The following LRP1B variants were observed in gnomAD, a reference collection of about 807,000 sequenced individuals.
LRP1B encodes LDL receptor related protein 1B.
Under a neutral mutation model 556.6 loss-of-function variants are expected in LRP1B, and 217 were observed. That is an observed-to-expected ratio of 0.39 (90% CI 0.35 to 0.44). The LOEUF (loss-of-function observed/expected upper bound fraction) is 0.44. Among genes scored for constraint, LRP1B ranks in the 20% least tolerant of loss-of-function variants. LRP1B has a pLI of 1.00. For synonymous variants in LRP1B, 2,047 were observed against 1,865.8 expected, an observed-to-expected ratio of 1.10 and a Z score of -2.50; for missense variants, 5,053 against 5,620.8, an observed-to-expected ratio of 0.90 and a Z score of 3.23.
intron 32 of LRP1B, among the ~76,000 whole-genome samples, chr2:140,808,555 C>T (rs539178119): frequency 6.5e-4 from 99 of 152,212 alleles, no homozygotes; most frequent in African/African-American, 2.3e-3. Context: ...CCCTGATCTG[C>T]TATTTTTTCC....
At chr2:140,658,397 C>T (rs934608876) in intron 41 of LRP1B, among the ~76,000 whole-genome samples, 4 of 151,924 alleles carry the variant, frequency 2.6e-5, no homozygotes, top group African/African-American at 9.7e-5. Flanking sequence ...TTCATGTTTT[C>T]TAATGGCTTT....
At position 140,897,261 on chromosome 2, in the gene LRP1B, G is replaced by A. The variant is rs1008752622; in HGVS notation, c.3766+5659C>T. Among the ~76,000 whole-genome samples, 17 of 152,168 alleles carry A rather than the reference G, an allele frequency of 1.1e-4. 1 individual carries two copies. The highest frequency in any genetic ancestry group is 4.1e-4 in the African/African-American group (17 of 41,508). ...TCAGAAAACAGCACCACAAAGTGAAGCCCTAAGAAGCTACCTCAGAAGCAA... is the reference window on the plus strand; with the variant it reads ...TCAGAAAACAGCACCACAAAGTGAAACCCTAAGAAGCTACCTCAGAAGCAA... On this transcript the variant is annotated intron_variant, in intron 23 of 90. Coordinates refer to ENST00000389484, the MANE Select transcript of LRP1B (RefSeq NM_018557.3).
intron 18 of LRP1B, among the ~76,000 whole-genome samples, chr2:140,970,826 G>A (rs561304842): frequency 7.0e-6 from 1 of 142,046 alleles, no homozygotes; most frequent in Non-Finnish European, 1.5e-5. Flanking sequence ...CTGCAGCCTG[G>A]ACGTCCTGGG....
rs181531923 is a variant in LRP1B, at chr2:140,442,316, A to G, written c.10414+188T>C. On this transcript the variant is annotated intron_variant, in intron 66 of 90. Transcript: ENST00000389484. ...TATATTAAGGAATACTTACTCTTCC[A>G]TCTTATCACTCCAGGCTTCTTGTAA... Among the ~76,000 whole-genome samples, 112 of 152,358 alleles carry G rather than the reference A, an allele frequency of 7.4e-4. 1 individual carries two copies. The highest frequency in any genetic ancestry group is 2.6e-3 in the African/African-American group (107 of 41,594).
intron 1 of LRP1B, among the ~76,000 whole-genome samples, chr2:141,992,628 T>C (rs936424233): frequency 6.6e-6 from 1 of 152,158 alleles, no homozygotes; most frequent in Non-Finnish European, 1.5e-5. Context: ...TGCCATTTGG[T>C]CATAGACCTT....
intron 86 of LRP1B, among the ~76,000 whole-genome samples, chr2:140,250,665 T>C (rs1156351946): frequency 2.0e-5 from 3 of 151,738 alleles, no homozygotes; most frequent in African/African-American, 7.2e-5. Flanking sequence ...AGAATAATGA[T>C]TATGAAAAAT....
chr2:141,264,753 C>T (rs1684824814), intron 3 of LRP1B, among the ~76,000 whole-genome samples: 1 of 152,188 alleles, frequency 6.6e-6, no homozygotes, highest in Admixed American at 6.5e-5. Flanking sequence ...CTGCACCCTG[C>T]CAAGTGGAGC....
intron 1 of LRP1B, among the ~76,000 whole-genome samples, chr2:142,049,327 C>A (rs1054412161): frequency 7.9e-5 from 12 of 152,054 alleles, no homozygotes; most frequent in African/African-American, 2.9e-4. Flanking sequence ...TTTTTCTTTT[C>A]TTTCCACTAC....
chr2:140,274,347 T>A, intron 85 of LRP1B, 77 bp downstream of exon 85: 2 of 1,303,342 alleles, frequency 1.5e-6, no homozygotes, highest in Non-Finnish European at 2.2e-6. Context: ...TCTACAAAGT[T>A]TTTACTATTT....
intron 1 of LRP1B, among the ~76,000 whole-genome samples, chr2:141,977,635 A>G (rs1701923391): frequency 6.6e-6 from 1 of 152,178 alleles, no homozygotes; most frequent in South Asian, 2.1e-4. Context: ...ATCTTCTGAT[A>G]CTTTGTTGTT....
intron 11 of LRP1B, among the ~76,000 whole-genome samples, chr2:141,022,129 G>A (rs904449829): frequency 2.6e-5 from 4 of 150,974 alleles, no homozygotes; most frequent in African/African-American, 4.9e-5. Flanking sequence ...CTTAATGGTT[G>A]GCATATACTA....
intron 2 of LRP1B, among the ~76,000 whole-genome samples, chr2:141,718,143 T>C (rs1450771153): frequency 6.6e-6 from 1 of 151,726 alleles, no homozygotes; most frequent in Non-Finnish European, 1.5e-5. Context: ...AGAGAAAGAC[T>C]CTTTGCACAC....
chr2:140,799,772 GA>G (rs1241481982), intron 32 of LRP1B, among the ~76,000 whole-genome samples: 1 of 152,098 alleles, frequency 6.6e-6, no homozygotes, highest in Admixed American at 6.5e-5. Flanking sequence ...TGCTGCGGAC[GA>G]AGAGGTTCCA....
chr2:140,467,405 A>G (rs1048083988), intron 60 of LRP1B, among the ~76,000 whole-genome samples: 1 of 151,824 alleles, frequency 6.6e-6, no homozygotes, highest in African/African-American at 2.4e-5. Context: ...GGAGTTCAAA[A>G]CCAGCCTGGC....
At chr2:141,421,049 T>C (rs1368005232) in intron 3 of LRP1B, among the ~76,000 whole-genome samples, 1 of 152,176 alleles carries the variant, frequency 6.6e-6, no homozygotes, top group Non-Finnish European at 1.5e-5. Flanking sequence ...GGCTTTGTGC[T>C]CTCCTGGAAT....
intron 1 of LRP1B, among the ~76,000 whole-genome samples, chr2:141,917,278 ATTATT>A (rs1184205927): frequency 2.6e-5 from 4 of 152,160 alleles, no homozygotes; most frequent in African/African-American, 9.7e-5. Flanking sequence ...GCCATCACAT[ATTATT>A]TTATTTCTAA....
At chr2:141,283,656 C>T (rs1685593121) in intron 3 of LRP1B, among the ~76,000 whole-genome samples, 3 of 127,756 alleles carry the variant, frequency 2.3e-5, no homozygotes, top group African/African-American at 5.9e-5. Context: ...AGTGTAGTGG[C>T]GCGGTCTCGG....
At chr2:141,881,728 G>A (rs895059138) in intron 1 of LRP1B, among the ~76,000 whole-genome samples, 6 of 151,858 alleles carry the variant, frequency 4.0e-5, no homozygotes, top group Non-Finnish European at 8.8e-5. Flanking sequence ...AAGCTTTCTT[G>A]TAGGTCCTAC....
At chr2:141,321,518 G>T (rs751061354) in intron 3 of LRP1B, among the ~76,000 whole-genome samples, 1 of 152,062 alleles carries the variant, frequency 6.6e-6, no homozygotes, top group Non-Finnish European at 1.5e-5. Context: ...GTTTCTCTTT[G>T]GTTATAACCC....
Sources: gnomAD v4.1 joint callset for allele counts (sites outside exome capture counted in the v4.1 genomes callset) on GRCh38, gnomAD v4.1.1 for gene constraint, MANE v1.5 for transcripts, NCBI Gene and HGNC (gene_info 2026-07-23, HGNC 2026-07-21) for gene names.